UBE2U: variants seen among roughly 807,000 people sequenced by gnomAD.
UBE2U encodes ubiquitin-conjugating enzyme E2 U.
UBE2U carries 39 observed loss-of-function variants against 41.2 expected under a neutral mutation model. The ratio of observed to expected loss-of-function variants is 0.95; its 90% CI spans 0.73 to 1.24. The LOEUF (loss-of-function observed/expected upper bound fraction) is 1.24. Ranked by LOEUF, UBE2U falls within the 50% of genes most tolerant of loss-of-function variation. The pLI is 0.00. For synonymous variants in UBE2U, 107 were observed against 117.8 expected (o/e 0.91, Z 0.60); for missense variants, 336 against 363.1 (o/e 0.93, Z 0.61).
intron 8 of UBE2U, among the ~76,000 whole-genome samples, chr1:64,242,722 G>C (rs1158184045): frequency 6.6e-6 from 1 of 152,068 alleles, no homozygotes; most frequent in Non-Finnish European, 1.5e-5. Context: ...AGCTAAAGTA[G>C]AGAAAAGCTT....
intron 6 of UBE2U, among the ~76,000 whole-genome samples, chr1:64,230,532 C>G (rs553029154): frequency 8.5e-5 from 13 of 152,236 alleles, no homozygotes; most frequent in Middle Eastern, 3.4e-3. Flanking sequence ...CATATGTGCA[C>G]GCCATGCTCT....
At chr1:64,228,764 A>C (rs1388716644) in intron 6 of UBE2U, among the ~76,000 whole-genome samples, 4 of 134,122 alleles carry the variant, frequency 3.0e-5, no homozygotes, top group Non-Finnish European at 6.1e-5. Context: ...ATCTCAGCTC[A>C]CTGCAACCTC....
At chr1:64,225,817 G>A (rs1271067449) in intron 6 of UBE2U, among the ~76,000 whole-genome samples, 1 of 152,196 alleles carries the variant, frequency 6.6e-6, no homozygotes, top group Non-Finnish European at 1.5e-5. Flanking sequence ...GGAGAAGATT[G>A]AAAGAAGACA....
At chr1:64,266,515 C>T (rs1249167612) in intron 9 of UBE2U, among the ~76,000 whole-genome samples, 1 of 152,174 alleles carries the variant, frequency 6.6e-6, no homozygotes, top group Non-Finnish European at 1.5e-5. Flanking sequence ...TAGCTGTCGA[C>T]GGGTTAGCAC....
chr1:64,209,616 C>G (rs929902780), intron 3 of UBE2U, among the ~76,000 whole-genome samples: 2 of 152,126 alleles, frequency 1.3e-5, no homozygotes, highest in Admixed American at 1.3e-4. Flanking sequence ...ATACTTTGAT[C>G]TATTTTATAA....
intron 4 of UBE2U, among the ~76,000 whole-genome samples, chr1:64,211,383 T>A (rs1651652573): frequency 6.6e-6 from 1 of 152,204 alleles, no homozygotes; most frequent in African/African-American, 2.4e-5. Flanking sequence ...ATGCCACCTT[T>A]ACCCACTGGA....
At chr1:64,249,110 C>T (rs1481049968) in intron 8 of UBE2U, among the ~76,000 whole-genome samples, 1 of 152,080 alleles carries the variant, frequency 6.6e-6, no homozygotes, top group East Asian at 1.9e-4. Flanking sequence ...CGGTGGCTCA[C>T]GCCTGTTAGT....
At chr1:64,211,372 G>A (rs2806532) in intron 4 of UBE2U, among the ~76,000 whole-genome samples, 107,947 of 152,122 alleles carry the variant, frequency 0.71, 38,821 homozygotes, top group Non-Finnish European at 0.76. Flanking sequence ...CTGTTTCTCA[G>A]ATGCCACCTT....
chr1:64,231,075 CT>C (rs1644555174), intron 6 of UBE2U, among the ~76,000 whole-genome samples: 1 of 152,028 alleles, frequency 6.6e-6, no homozygotes, highest in South Asian at 2.1e-4. Context: ...AGACATTTTG[CT>C]TTGTATATTC....
At chr1:64,213,444 G>A (rs1456683001) in intron 4 of UBE2U, among the ~76,000 whole-genome samples, 1 of 152,104 alleles carries the variant, frequency 6.6e-6, no homozygotes, top group East Asian at 1.9e-4. Flanking sequence ...TTCCTAGGGA[G>A]AATTAATAGC....
chr1:64,237,660 G>A (rs946957888), intron 7 of UBE2U, among the ~76,000 whole-genome samples: 7 of 152,112 alleles, frequency 4.6e-5, no homozygotes, highest in African/African-American at 1.7e-4. Context: ...ACAGACAAGT[G>A]GTAAGAGACA....
chr1:64,237,674 G>A (rs1308662652), intron 7 of UBE2U, among the ~76,000 whole-genome samples: 1 of 152,036 alleles, frequency 6.6e-6, no homozygotes, highest in East Asian at 1.9e-4. Context: ...AGAGACAGAT[G>A]AGTGAAAAAA....
chr1:64,254,038 A>C (rs141812137), intron 8 of UBE2U, among the ~76,000 whole-genome samples: 1 of 152,210 alleles, frequency 6.6e-6, no homozygotes, highest in East Asian at 1.9e-4. Flanking sequence ...GTACGGATAC[A>C]CATAGGCTCA....
intron 8 of UBE2U, among the ~76,000 whole-genome samples, chr1:64,253,357 G>A (rs775670179): frequency 2.0e-5 from 3 of 151,478 alleles, no homozygotes; most frequent in Non-Finnish European, 4.4e-5. Flanking sequence ...TATCATCCAG[G>A]AGAATTTCCC....
intron 7 of UBE2U, among the ~76,000 whole-genome samples, chr1:64,233,051 A>G (rs1334434961): frequency 2.0e-5 from 3 of 151,232 alleles, no homozygotes; most frequent in Non-Finnish European, 4.4e-5. Context: ...TCTGTTGCCC[A>G]GGCTGGAGTG....
rs1318734225 is a variant in UBE2U at position 64,267,203 on chromosome 1, G to A, written c.949G>A (p.Asp317Asn). The change falls in exon 10 of 10, where the codon GAT becomes AAT. Residue 317 changes from aspartate to asparagine, a missense_variant. By Grantham distance (23) the Asp-to-Asn change is conservative. Transcript: ENST00000371077. ...TACTCTCAATACAAATACTTCAGAA[G>A]ATTAAGCAGAACATTATCAGATTCA... ...TNTLNTNTSE[D>N] The A allele has an allele frequency of 2.0e-6, 3 of 1,515,470 alleles. No homozygotes were observed. Among genetic ancestry groups the A allele is most frequent in the Admixed American group, 2.3e-5 (1 of 42,738 alleles). The allele number at this position is 1,515,470 out of a possible 1,614,324, so 93.9% of individuals were successfully genotyped here. A position where few individuals can be genotyped will look rare whatever the true frequency, so the allele number is the denominator to read the frequency against.
At position 64,241,734 on chromosome 1, in the gene UBE2U, G is replaced by A. The variant is rs1012365880; in HGVS notation, c.677+1G>A. On this transcript the variant is annotated splice_donor_variant, in intron 8 of 9. Transcript: ENST00000371077. LOFTEE classifies it high-confidence loss of function. The stretch of plus-strand genomic sequence containing the variant: ...AGCATCAGAAAGAATGGAATTTAAA[G>A]TAAGAAATATGAAGTGCCTTGAATG... 3.1e-6 allele frequency: 5 copies of A among 1,604,274 alleles called. No individual in the cohort carries two copies. Among genetic ancestry groups the A allele is most frequent in the Non-Finnish European group, 4.3e-6 (5 of 1,174,072 alleles).
chr1:64,238,053 T>C (rs1274572666), intron 7 of UBE2U, among the ~76,000 whole-genome samples: 2 of 152,196 alleles, frequency 1.3e-5, no homozygotes, highest in Non-Finnish European at 2.9e-5. Context: ...TGTTTGACCA[T>C]CTGTACAGTG....
intron 9 of UBE2U, among the ~76,000 whole-genome samples, chr1:64,264,777 A>C (rs927299228): frequency 6.6e-6 from 1 of 152,010 alleles, no homozygotes; most frequent in African/African-American, 2.4e-5. Flanking sequence ...ACATGGTAAA[A>C]CCCCATCCCT....
Sources: allele counts gnomAD v4.1 joint callset (sites outside exome capture counted in the v4.1 genomes callset), GRCh38; gene constraint gnomAD v4.1.1; transcripts MANE v1.5; gene names NCBI Gene and HGNC (gene_info 2026-07-23, HGNC 2026-07-21).